NTN1: variants seen among roughly 807,000 people sequenced by gnomAD.
NTN1 encodes netrin-1.
In NTN1, 11 loss-of-function variants were observed where a neutral mutation model predicts 54.2. The ratio of observed to expected loss-of-function variants is 0.20; its 90% CI spans 0.13 to 0.34. The LOEUF (loss-of-function observed/expected upper bound fraction) is 0.34, where lower values mean the gene tolerates loss of function less well. Among genes scored for constraint, NTN1 ranks in the 10% least tolerant of loss-of-function variants. The pLI is 1.00. For missense variants in NTN1, 740 were observed against 893.1 expected, an observed-to-expected ratio of 0.83 and a Z score of 2.18; for synonymous variants, 371 against 382.0, an observed-to-expected ratio of 0.97 and a Z score of 0.33.
intron 2 of NTN1, among the ~76,000 whole-genome samples, chr17:9,029,599 G>A (rs563465189): frequency 5.5e-4 from 84 of 152,354 alleles, no homozygotes; most frequent in African/African-American, 2.0e-3. Context: ...TTTGACTTGC[G>A]TAGCACAACT....
chr17:9,150,461 G>A (rs9890676), intron 2 of NTN1, among the ~76,000 whole-genome samples: 4,387 of 152,316 alleles, frequency 0.029, 216 homozygotes, highest in African/African-American at 0.099. Flanking sequence ...TAAAGTCCCC[G>A]AAGGAGGTGG....
intron 2 of NTN1, among the ~76,000 whole-genome samples, chr17:9,079,305 G>T (rs1380617612): frequency 1.3e-5 from 2 of 152,182 alleles, no homozygotes; most frequent in Admixed American, 6.5e-5. Flanking sequence ...ATAATCTCTT[G>T]TGCATTCTGG....
chr17:9,172,909 CAAAAAAAAAAAAA>C (rs35380506), intron 3 of NTN1: 1 of 57,702 alleles, frequency 1.7e-5, no homozygotes, highest in Non-Finnish European at 3.4e-5. Context: ...AACTACATCT[CAAAAAAAAAAAAA>C]AAAAAAAATG....
intron 2 of NTN1, among the ~76,000 whole-genome samples, chr17:9,130,778 C>T (rs1567717883): frequency 6.6e-6 from 1 of 152,196 alleles, no homozygotes; most frequent in Non-Finnish European, 1.5e-5. Flanking sequence ...TTCAGGCCCT[C>T]AGCCCACATC....
At chr17:9,039,847 G>C (rs184338353) in intron 2 of NTN1, among the ~76,000 whole-genome samples, 3 of 152,246 alleles carry the variant, frequency 2.0e-5, no homozygotes, top group Admixed American at 2.0e-4. Flanking sequence ...TTCTGGGGGG[G>C]TATTCATTGT....
chr17:9,120,206 A>G (rs903396766), intron 2 of NTN1, among the ~76,000 whole-genome samples: 5 of 149,004 alleles, frequency 3.4e-5, no homozygotes, highest in African/African-American at 1.2e-4. Context: ...AATGGCATGA[A>G]CCCGGGAGGC....
rs1029929986 is a variant in NTN1 at position 9,241,536 on chromosome 17, T to A, written c.*1568T>A. On this transcript the variant is annotated 3_prime_UTR_variant, in exon 7 of 7. Coordinates refer to ENST00000173229, the MANE Select transcript of NTN1 (RefSeq NM_004822.3). Reference sequence around the variant, plus strand: ...GGCGCACTGAATTAAGAGGCCTGGCTCCCCTCACAGTCAGGAAATTGGTTT... The same window carrying A: ...GGCGCACTGAATTAAGAGGCCTGGCACCCCTCACAGTCAGGAAATTGGTTT... 3 of 152,398 alleles carry A rather than the reference T, an allele frequency of 2.0e-5. No individual in the cohort carries two copies. Among genetic ancestry groups the A allele is most frequent in the Non-Finnish European group, 4.4e-5 (3 of 68,198 alleles). 9.4% of individuals were successfully genotyped at this position (152,398 alleles called of 1,614,324 possible).
At chr17:9,073,596 G>A (rs375447378) in intron 2 of NTN1, among the ~76,000 whole-genome samples, 5 of 152,166 alleles carry the variant, frequency 3.3e-5, no homozygotes, top group Non-Finnish European at 5.9e-5. Flanking sequence ...CTGCCCTCCC[G>A]CCGAGTGCAG....
intron 6 of NTN1, among the ~76,000 whole-genome samples, chr17:9,237,874 G>A (rs1484567475): frequency 6.6e-6 from 1 of 152,192 alleles, no homozygotes; most frequent in Non-Finnish European, 1.5e-5. Flanking sequence ...CACACTGAGT[G>A]TTGAGTCCCT....
intron 2 of NTN1, among the ~76,000 whole-genome samples, chr17:9,026,397 G>T (rs539661346): frequency 2.0e-5 from 3 of 150,222 alleles, no homozygotes; most frequent in African/African-American, 7.3e-5. Flanking sequence ...CTTCCGGGGG[G>T]GGGGAACAAA....
Position 9,022,438 on chromosome 17 carries a change from T to G in NTN1, c.65T>G (p.Val22Gly), listed in dbSNP as rs2151506193. 1 of 1,387,676 alleles carries G rather than the reference T, an allele frequency of 7.2e-7. No individual in the cohort carries two copies. The highest frequency in any genetic ancestry group is 1.5e-5 in the African/African-American group (1 of 65,786). The allele number at this position is 1,387,676 out of a possible 1,614,324, so 86.0% of individuals were successfully genotyped here. A position where few individuals can be genotyped will look rare whatever the true frequency, so the allele number is the denominator to read the frequency against. The change falls in exon 2 of 7, where the codon GTG (valine) becomes GGG (glycine). Residue 22 changes from valine (V) to glycine (G), a missense_variant. Coordinates refer to ENST00000173229, the MANE Select transcript of NTN1 (RefSeq NM_004822.3). ...LAAVACLVGA[V>G]RGGPGLSMFA... is the part of the protein sequence containing the mutation. ...GCGGTGGCGTGCCTGGTGGGCGCGGTGCGCGGCGGGCCCGGGCTCAGCATG... is the reference window on the plus strand; with the variant it reads ...GCGGTGGCGTGCCTGGTGGGCGCGGGGCGCGGCGGGCCCGGGCTCAGCATG...
chr17:9,117,037 C>T (rs942432893), intron 2 of NTN1, among the ~76,000 whole-genome samples: 1 of 152,124 alleles, frequency 6.6e-6, no homozygotes, highest in African/African-American at 2.4e-5. Context: ...GCTGGGATGG[C>T]CCCACTGGGC....
At chr17:9,224,275 C>T (rs1018115004) in intron 6 of NTN1, among the ~76,000 whole-genome samples, 7 of 152,294 alleles carry the variant, frequency 4.6e-5, no homozygotes, top group Non-Finnish European at 8.8e-5. Context: ...CTCTGTCTGC[C>T]GAACCTGACA....
intron 2 of NTN1, among the ~76,000 whole-genome samples, chr17:9,134,045 C>G (rs563587140): frequency 1.3e-4 from 19 of 151,504 alleles, no homozygotes; most frequent in African/African-American, 4.4e-4. Flanking sequence ...GCTGGGATTA[C>G]AGGCACCTGC....
chr17:9,209,267 C>T (rs1394611860), intron 5 of NTN1, among the ~76,000 whole-genome samples: 3 of 152,224 alleles, frequency 2.0e-5, no homozygotes, highest in Non-Finnish European at 4.4e-5. Context: ...TGCAGCCCTG[C>T]TCAGTAGATT....
chr17:9,153,896 C>G (rs2092334764), intron 2 of NTN1, among the ~76,000 whole-genome samples: 2 of 152,278 alleles, frequency 1.3e-5, no homozygotes, highest in South Asian at 2.1e-4. Flanking sequence ...CCTGTTGACT[C>G]TTTTCTTTCA....
At chr17:9,081,437 G>A (rs540876928) in intron 2 of NTN1, among the ~76,000 whole-genome samples, 73 of 152,172 alleles carry the variant, frequency 4.8e-4, no homozygotes, top group African/African-American at 1.6e-3. Flanking sequence ...TTCCCCATGT[G>A]ATGTTCCATT....
chr17:9,170,055 C>T (rs367849728), intron 3 of NTN1, among the ~76,000 whole-genome samples: 12 of 152,128 alleles, frequency 7.9e-5, no homozygotes, highest in Admixed American at 5.9e-4. Flanking sequence ...ACTTATGGGG[C>T]CGGGGGCAGG....
intron 2 of NTN1, among the ~76,000 whole-genome samples, chr17:9,032,831 G>A (rs1431336846): frequency 1.3e-5 from 2 of 151,990 alleles, no homozygotes; most frequent in Non-Finnish European, 2.9e-5. Flanking sequence ...TCTTTATTCC[G>A]ACACCCAGCC....
Sources: gnomAD v4.1 joint callset for allele counts (sites outside exome capture counted in the v4.1 genomes callset) on GRCh38, gnomAD v4.1.1 for gene constraint, MANE v1.5 for transcripts, NCBI Gene and HGNC (gene_info 2026-07-23, HGNC 2026-07-21) for gene names.